The following SLC14A2 variants were observed in gnomAD, a reference collection of about 807,000 sequenced individuals.
SLC14A2 encodes urea transporter 2.
SLC14A2 carries 91 observed loss-of-function variants against 104.6 expected under a neutral mutation model. The observed-to-expected ratio is 0.87, with a 90% CI of 0.73 to 1.04. SLC14A2 has a LOEUF of 1.04. Ranked by LOEUF, SLC14A2 falls within the 50% of genes least tolerant of loss-of-function variation. The pLI is 0.00. For synonymous variants in SLC14A2, 476 were observed against 466.4 expected, an observed-to-expected ratio of 1.02 and a Z score of -0.27; for missense variants, 1,189 against 1,156.0, an observed-to-expected ratio of 1.03 and a Z score of -0.41.
the SLC14A2 span, among the ~76,000 whole-genome samples, chr18:45,207,220 T>C: frequency 6.6e-6 from 1 of 151,982 alleles, no homozygotes; most frequent in South Asian, 2.1e-4. Flanking sequence ...ATGTGGCATT[T>C]TCTTATTTGA....
intron 1 of SLC14A2, among the ~76,000 whole-genome samples, chr18:45,330,068 G>C (rs887667474): frequency 5.9e-5 from 9 of 152,140 alleles, no homozygotes; most frequent in Non-Finnish European, 1.2e-4. Flanking sequence ...GGAAACTAAG[G>C]CTCAAAGAAT....
At chr18:45,558,497 T>G (rs1449608755) in intron 2 of SLC14A2, among the ~76,000 whole-genome samples, 2 of 151,356 alleles carry the variant, frequency 1.3e-5, no homozygotes, top group African/African-American at 2.4e-5. Context: ...GTCCCAGGAG[T>G]GGAAGGGAAG....
At chr18:45,288,131 G>A (rs1322937713) in intron 1 of SLC14A2, among the ~76,000 whole-genome samples, 1 of 151,996 alleles carries the variant, frequency 6.6e-6, no homozygotes, top group East Asian at 1.9e-4. Flanking sequence ...TGAAGAAAGT[G>A]AGTGCTACAA....
intron 1 of SLC14A2, among the ~76,000 whole-genome samples, chr18:45,280,103 C>T (rs1280907717): frequency 6.6e-6 from 1 of 152,204 alleles, no homozygotes; most frequent in Non-Finnish European, 1.5e-5. Flanking sequence ...GTACTGTTCA[C>T]TCCTCAAACC....
intron 1 of SLC14A2, among the ~76,000 whole-genome samples, chr18:45,264,908 G>A (rs2084576511): frequency 6.6e-6 from 1 of 152,160 alleles, no homozygotes; most frequent in African/African-American, 2.4e-5. Flanking sequence ...ACTGTTCTCT[G>A]TGCTGGCCAT....
At chr18:45,594,126 TAC>T (rs1417817867) in intron 2 of SLC14A2, among the ~76,000 whole-genome samples, 1 of 152,116 alleles carries the variant, frequency 6.6e-6, no homozygotes, top group Non-Finnish European at 1.5e-5. Context: ...GCTGGGAGGA[TAC>T]AGACTGCAAG....
intron 2 of SLC14A2, among the ~76,000 whole-genome samples, chr18:45,532,269 T>C (rs543524139): frequency 4.2e-4 from 64 of 152,296 alleles, no homozygotes; most frequent in African/African-American, 1.5e-3. Context: ...GGGATGGCAT[T>C]GAATCTATAA....
intron 18 of SLC14A2, among the ~76,000 whole-genome samples, chr18:45,674,290 G>C (rs889697753): frequency 6.6e-6 from 1 of 152,084 alleles, no homozygotes; most frequent in Non-Finnish European, 1.5e-5. Flanking sequence ...AACTCCTTTT[G>C]AGCAGAACAT....
intron 1 of SLC14A2, among the ~76,000 whole-genome samples, chr18:45,413,781 G>A (rs751296495): frequency 3.9e-4 from 59 of 152,164 alleles, no homozygotes; most frequent in Non-Finnish European, 6.6e-4. Context: ...TATCATGCTA[G>A]CTGTATGACT....
intron 2 of SLC14A2, among the ~76,000 whole-genome samples, chr18:45,607,528 T>C (rs1368191418): frequency 6.6e-6 from 1 of 152,202 alleles, no homozygotes; most frequent in Non-Finnish European, 1.5e-5. Flanking sequence ...AAGTATACCT[T>C]TTTTGGGTTC....
chr18:45,636,856 A>C, intron 5 of SLC14A2, 134 bp from the exon 6 acceptor site: 2 of 646,002 alleles, frequency 3.1e-6, no homozygotes, highest in Non-Finnish European at 2.8e-6. Context: ...TCATTGGAAC[A>C]CTGGAGTCTC....
At chr18:45,628,442 CAAAAAA>C (rs59400362) in intron 4 of SLC14A2, among the ~76,000 whole-genome samples, 1 of 124,364 alleles carries the variant, frequency 8.0e-6, no homozygotes, top group Non-Finnish European at 1.7e-5. Flanking sequence ...GACTCTGCCT[CAAAAAA>C]AAAAAAAAAA....
intron 1 of SLC14A2, among the ~76,000 whole-genome samples, chr18:45,238,319 A>G (rs2144042756): frequency 6.6e-6 from 1 of 152,366 alleles, no homozygotes; most frequent in South Asian, 2.1e-4. Context: ...AATAAGACAC[A>G]AAATGAAAGG....
In SLC14A2 at chr18:45,669,383, C is replaced by T; in HGVS notation, c.2114C>T (p.Thr705Ile). 6.2e-7 allele frequency: 1 copy of T among 1,614,160 alleles called. No individual in the cohort carries two copies. Among genetic ancestry groups the T allele is most frequent in the South Asian group, 1.1e-5 (1 of 91,090 alleles). ...LPVFTLPFNI[T>I]VTLYLAATGH... ...GTCTTCACACTGCCCTTCAATATCA[C>T]TGTGACTTTGTACCTGGCAGCCACG... is the stretch of plus-strand genomic sequence containing the variant. Residue 705 changes from threonine to isoleucine, a missense_variant, in exon 16 of 20, where the codon ACT (threonine) becomes ATT (isoleucine). Transcript: ENST00000255226.
At chr18:45,205,250 G>A in the SLC14A2 span, among the ~76,000 whole-genome samples, 1 of 152,164 alleles carries the variant, frequency 6.6e-6, no homozygotes, top group Admixed American at 6.6e-5. Flanking sequence ...AGGGATGATG[G>A]ATGATATTCT....
At position 45,235,720 on chromosome 18, in the gene SLC14A2, C is replaced by T. The variant is rs952285006; in HGVS notation, c.-125+22529C>T. Among the ~76,000 whole-genome samples the T allele has an allele frequency of 4.6e-5, 7 of 151,110 alleles. No individual in the cohort carries two copies. In the East Asian group the frequency reaches 5.8e-4, roughly 13 times the overall value. ...TTATTTCACTTAATACAATGTTCTT[C>T]GGCCTCATCCATGTTGCTGCAAATG... On this transcript the variant is annotated intron_variant, in intron 1 of 20. Transcript: ENST00000586448.
chr18:45,563,081 C>A (rs2044222597), intron 2 of SLC14A2, among the ~76,000 whole-genome samples: 1 of 152,240 alleles, frequency 6.6e-6, no homozygotes, highest in South Asian at 2.1e-4. Context: ...CTGGCAGGGC[C>A]CAGCCAGGCC....
At chr18:45,285,674 C>CT (rs1491139329) in intron 1 of SLC14A2, among the ~76,000 whole-genome samples, 1 of 119,616 alleles carries the variant, frequency 8.4e-6, no homozygotes, top group Non-Finnish European at 1.9e-5. Context: ...CCCCCCCCCC[C>CT]TCGGCCTCCC....
At chr18:45,574,009 G>A (rs1486209370) in intron 2 of SLC14A2, among the ~76,000 whole-genome samples, 1 of 152,252 alleles carries the variant, frequency 6.6e-6, no homozygotes, top group South Asian at 2.1e-4. Flanking sequence ...GCTTAGTACA[G>A]TGTCAATTAC....
Sources: allele counts gnomAD v4.1 joint callset (sites outside exome capture counted in the v4.1 genomes callset), GRCh38; gene constraint gnomAD v4.1.1; transcripts MANE v1.5; gene names NCBI Gene and HGNC (gene_info 2026-07-23, HGNC 2026-07-21).